The following GLB1L3 variants were observed in gnomAD, a reference collection of about 807,000 sequenced individuals.
GLB1L3 encodes beta-galactosidase-1-like protein 3.
A neutral mutation model predicts 89.5 loss-of-function variants in GLB1L3; 89 were observed. That is an observed-to-expected ratio of 0.99 (90% CI 0.84 to 1.19). The LOEUF is 1.19. Among genes scored for constraint, GLB1L3 ranks in the 50% most tolerant of loss-of-function variants. The pLI, the probability that GLB1L3 is intolerant of heterozygous loss-of-function variation, is 0.00. For missense variants in GLB1L3, 812 were observed against 813.3 expected (o/e 1.00, Z 0.02); for synonymous variants, 314 against 312.3 (o/e 1.01, Z -0.06).
downstream of GLB1L3, among the ~76,000 whole-genome samples, chr11:134,319,747 T>TGTGTGC (rs1272713464): frequency 4.3e-5 from 6 of 139,666 alleles, no homozygotes; most frequent in African/African-American, 1.6e-4. Context: ...TGTGTGTGTG[T>TGTGTGC]GCGCGCGCGC....
At chr11:134,323,253 G>A (rs998328572), downstream of GLB1L3, among the ~76,000 whole-genome samples, 10 of 152,204 alleles carry the variant, frequency 6.6e-5, no homozygotes, top group Non-Finnish European at 1.2e-4. Context: ...GGGCGCGGTG[G>A]CTTATGCCTG....
At position 134,309,755 on chromosome 11, in the gene GLB1L3, C is replaced by T. The variant is rs368492101; in HGVS notation, c.1091C>T (p.Thr364Ile). Residue 364 changes from threonine to isoleucine, a missense_variant, in exon 11 of 20, where the codon ACC becomes ATC. Coordinates refer to ENST00000431683, the MANE Select transcript of GLB1L3 (RefSeq NM_001080407.3). ...TYFGKHSGIV[T>I]SYDYDAVLTE... ...TTCGGGAAGCACTCGGGCATTGTCA[C>T]CAGCTATGGCAAGTGTCGCTGGTGT... 90 of 1,613,044 alleles carry T rather than the reference C, an allele frequency of 5.6e-5. No individual in the cohort carries two copies. The highest frequency in any genetic ancestry group is 2.8e-4 in the Admixed American group (17 of 59,950).
Position 134,312,802 on chromosome 11 carries a change from CTCT to C in GLB1L3, c.1429-9_1429-7del, listed in dbSNP as rs1942806564. On this transcript the variant is annotated splice_polypyrimidine_tract_variant and intron_variant, in intron 14 of 19. Transcript: ENST00000431683. ...GGTGGGCCTAGCAGTCTGACGCCGGCTCTTCTTTTGCAGGTGTTTTTGGATGAG... is the reference window on the plus strand; with the variant it reads ...GGTGGGCCTAGCAGTCTGACGCCGGCTCTTTTGCAGGTGTTTTTGGATGAG... 4 of 1,606,990 alleles carry C rather than the reference CTCT, an allele frequency of 2.5e-6. No individual in the cohort carries two copies. The highest frequency in any genetic ancestry group is 2.6e-6 in the Non-Finnish European group (3 of 1,175,430).
intron 6 of GLB1L3, among the ~76,000 whole-genome samples, chr11:134,285,863 A>C (rs1940954928): frequency 6.6e-6 from 1 of 151,072 alleles, no homozygotes; most frequent in South Asian, 2.1e-4. Flanking sequence ...AAACATATAG[A>C]TCTAGGCCTT....
intron 8 of GLB1L3, chr11:134,292,417 G>A: frequency 2.0e-6 from 1 of 489,292 alleles, no homozygotes; most frequent in Non-Finnish European, 3.7e-6. Flanking sequence ...TCTTGGCCTT[G>A]CTCCTGCCGT....
intron 7 of GLB1L3, among the ~76,000 whole-genome samples, chr11:134,289,541 A>G (rs567013517): frequency 6.6e-6 from 1 of 152,318 alleles, no homozygotes; most frequent in African/African-American, 2.4e-5. Context: ...ATCACTATGT[A>G]CCTAAATAAC....
intron 9 of GLB1L3, 22 bp from the exon 10 acceptor site, chr11:134,307,102 A>G (rs778054865): frequency 1.9e-6 from 3 of 1,594,120 alleles, no homozygotes; most frequent in South Asian, 1.1e-5. Flanking sequence ...CAGACTTAGT[A>G]TTTGCTTTGG....
At chr11:134,298,736 A>G (rs555196248) in intron 9 of GLB1L3, among the ~76,000 whole-genome samples, 3 of 152,214 alleles carry the variant, frequency 2.0e-5, no homozygotes, top group Admixed American at 6.5e-5. Flanking sequence ...CTCCCCAGCT[A>G]TGTGGAACTG....
Position 134,318,889 on chromosome 11 carries a change from G to C in GLB1L3, c.1909G>C (p.Glu637Gln). The change falls in exon 20 of 20, where the codon GAG (glutamate) becomes CAG (glutamine). Residue 637 changes from glutamate (E) to glutamine (Q), a missense_variant. Around this residue, in one of 3 missense-constraint regions of GLB1L3, gnomAD observed 618 missense variants for 604.0 expected, o/e 1.02. Coordinates refer to ENST00000431683, the MANE Select transcript of GLB1L3 (RefSeq NM_001080407.3). ...CTTTTCTTCTCAGGTCATCTTGTTTGAGAAGATGATGAGTGGCTCAGATAT... is the reference window on the plus strand; with the variant it reads ...CTTTTCTTCTCAGGTCATCTTGTTTCAGAAGATGATGAGTGGCTCAGATAT... ...HPEDNEVILF[E>Q]KMMSGSDIKS... 6.2e-7 allele frequency: 1 copy of C among 1,612,604 alleles called. No individual in the cohort carries two copies. Among genetic ancestry groups the C allele is most frequent in the South Asian group, 1.1e-5 (1 of 91,032 alleles).
At position 134,318,924 on chromosome 11, in the gene GLB1L3, A is replaced by C; in HGVS notation, c.1944A>C (p.Thr648=). The change falls in exon 20 of 20, where the codon ACA becomes ACC. Residue 648 remains threonine (T), a synonymous_variant. Coordinates refer to ENST00000431683, the MANE Select transcript of GLB1L3 (RefSeq NM_001080407.3). The stretch of plus-strand genomic sequence containing the variant: ...TGAGTGGCTCAGATATCAAATCTAC[A>C]GACAAGCCCACGCTGTAAAACTGTG... ...KMMSGSDIKS[T]DKPTL 1 of 1,612,376 alleles carries C rather than the reference A, an allele frequency of 6.2e-7. No individual in the cohort carries two copies. The highest frequency in any genetic ancestry group is 8.5e-7 in the Non-Finnish European group (1 of 1,179,184).
chr11:134,281,297 G>T, intron 3 of GLB1L3, 80 bp from the exon 4 acceptor site: 5 of 1,527,516 alleles, frequency 3.3e-6, no homozygotes, highest in South Asian at 2.2e-5. Flanking sequence ...CATGGTTTTG[G>T]CTTGGATTTG....
chr11:134,308,215 C>T (rs1045097781), intron 10 of GLB1L3, among the ~76,000 whole-genome samples: 2 of 23,818 alleles, frequency 8.4e-5, no homozygotes, highest in Non-Finnish European at 1.7e-4. Flanking sequence ...CCACCACCAC[C>T]ATCACCATCA....
rs974758643 is a variant in GLB1L3, at chr11:134,285,669, C to T, written c.636+1824C>T. 2.1e-4 allele frequency among the ~76,000 whole-genome samples: 32 copies of T among 152,112 alleles called. 1 individual carries two copies. The highest frequency in any genetic ancestry group is 7.4e-5 in the Non-Finnish European group (5 of 68,018). On this transcript the variant is annotated intron_variant, in intron 6 of 19. Transcript: ENST00000431683. ...GCGTGGTGAGCACCTGTAGTCCCAA[C>T]TACTCGGGAAGCTAAGGTGGGAGGA... is the stretch of plus-strand genomic sequence containing the variant.
intron 8 of GLB1L3, chr11:134,292,532 G>T: frequency 8.2e-6 from 2 of 245,378 alleles, no homozygotes; most frequent in Non-Finnish European, 1.6e-5. Flanking sequence ...GCCTGGCTTG[G>T]GATCAGGGCC....
Position 134,313,995 on chromosome 11 carries a change from A to G in GLB1L3, c.1634A>G (p.Tyr545Cys), listed in dbSNP as rs777257027. The G allele has an allele frequency of 1.2e-5, 20 of 1,612,664 alleles. No individual in the cohort carries two copies. In the African/African-American group the frequency reaches 1.7e-4, roughly 14 times the overall value. The part of the protein sequence containing the change: ...NNSSLEGFTI[Y>C]SLEMKMSFFE... ...TCTTCCCTGGAGGGCTTTACCATCT[A>G]TTCCCTGGAGATGAAAATGAGCTTC... is the stretch of plus-strand genomic sequence containing the variant. The change falls in exon 17 of 20, where the codon TAT (tyrosine) becomes TGT (cysteine). Residue 545 changes from tyrosine (Y) to cysteine (C), a missense_variant. Tyr to Cys is a radical substitution (Grantham distance 194, BLOSUM62 -2). Transcript: ENST00000431683.
intron 9 of GLB1L3, among the ~76,000 whole-genome samples, chr11:134,297,130 C>T (rs1049893007): frequency 5.3e-5 from 8 of 151,978 alleles, no homozygotes; most frequent in Non-Finnish European, 1.0e-4. Flanking sequence ...GAAGCTTGGC[C>T]GCTGTATCAT....
chr11:134,311,402 C>A, intron 13 of GLB1L3: 1 of 507,408 alleles, frequency 2.0e-6, no homozygotes, highest in Non-Finnish European at 3.6e-6. Context: ...CCCGGGTTCC[C>A]GCTTAGATGA....
intron 15 of GLB1L3, 35 bp downstream of exon 15, chr11:134,312,922 C>A: frequency 7.1e-7 from 1 of 1,402,598 alleles, no homozygotes; most frequent in Non-Finnish European, 1.0e-6. Context: ...ATGCCCTCGA[C>A]CCCCCTCAAA....
intron 9 of GLB1L3, among the ~76,000 whole-genome samples, chr11:134,300,319 C>A (rs114817859): frequency 0.029 from 4,035 of 139,226 alleles, 197 homozygotes; most frequent in African/African-American, 0.1. Flanking sequence ...TAGGGCCCAT[C>A]CTATTGACCA....
Sources: gnomAD v4.1 joint callset for allele counts (sites outside exome capture counted in the v4.1 genomes callset) on GRCh38, gnomAD v4.1.1 for gene constraint, gnomAD v4.1.1 regional missense constraint, MANE v1.5 for transcripts, NCBI Gene and HGNC (gene_info 2026-07-23, HGNC 2026-07-21) for gene names.